Variants in EPHA6 observed in about 807,000 individuals in gnomAD.
EPHA6 encodes the protein EPH receptor A6, also known as ephrin type-A receptor 6.
Under a neutral mutation model 112.0 loss-of-function variants are expected in EPHA6, and 50 were observed. That is an observed-to-expected ratio of 0.45 (90% CI 0.36 to 0.56). EPHA6 has a LOEUF of 0.56. EPHA6 is among the 20% of genes least tolerant of loss of function. The pLI, the probability that EPHA6 is intolerant of heterozygous loss-of-function variation, is 0.00. For synonymous variants in EPHA6, 529 were observed against 490.7 expected, an observed-to-expected ratio of 1.08 and a Z score of -1.03; for missense variants, 1,280 against 1,417.4, an observed-to-expected ratio of 0.90 and a Z score of 1.56.
intron 7 of EPHA6, among the ~76,000 whole-genome samples, chr3:97,450,497 T>A (rs1396563318): frequency 1.3e-5 from 2 of 152,066 alleles, no homozygotes; most frequent in East Asian, 3.9e-4. Context: ...TAGAGCTACA[T>A]CTAAATAAGT....
rs183075923 is a variant in EPHA6, at chr3:97,166,466, T to C, written c.1115-59798T>C. On this transcript the variant is annotated intron_variant, in intron 3 of 17. Coordinates refer to ENST00000389672, the MANE Select transcript of EPHA6 (RefSeq NM_001080448.3). ...GATCTTATGTATCACGAGTAGGTGA[T>C]TTATTAAGTTAGGTTGGAAAGTCAA... Among the ~76,000 whole-genome samples, 777 of 152,006 alleles carry C rather than the reference T, an allele frequency of 5.1e-3. 4 individuals are homozygous for C. The highest frequency in any genetic ancestry group is 0.01 in the Middle Eastern group (3 of 294).
chr3:97,049,516 G>A (rs2045618843), intron 3 of EPHA6, among the ~76,000 whole-genome samples: 1 of 152,112 alleles, frequency 6.6e-6, no homozygotes, highest in African/African-American at 2.4e-5. Flanking sequence ...GCTTTCGGGT[G>A]GATTTAGTAA....
intron 11 of EPHA6, among the ~76,000 whole-genome samples, chr3:97,583,428 A>T (rs2093458566): frequency 6.6e-6 from 1 of 151,468 alleles, no homozygotes; most frequent in Non-Finnish European, 1.5e-5. Context: ...AGTCCCAGCT[A>T]CTCTGGAGGC....
At chr3:97,303,799 T>C (rs1184261917) in intron 5 of EPHA6, among the ~76,000 whole-genome samples, 1 of 152,006 alleles carries the variant, frequency 6.6e-6, no homozygotes, top group East Asian at 1.9e-4. Context: ...CAGACAAAAT[T>C]ACAAATAAAT....
At chr3:97,202,080 T>A (rs1427703730) in intron 3 of EPHA6, among the ~76,000 whole-genome samples, 1 of 152,068 alleles carries the variant, frequency 6.6e-6, no homozygotes, top group Non-Finnish European at 1.5e-5. Flanking sequence ...ATGCTGAACA[T>A]GGCATTTTAT....
intron 3 of EPHA6, among the ~76,000 whole-genome samples, chr3:97,125,709 A>G (rs896545302): frequency 6.6e-6 from 1 of 152,224 alleles, no homozygotes; most frequent in East Asian, 1.9e-4. Flanking sequence ...AATGATTTAA[A>G]TAAAATAAAT....
intron 2 of EPHA6, among the ~76,000 whole-genome samples, chr3:96,983,239 GCAGGC>G (rs2042881485): frequency 6.6e-6 from 1 of 152,140 alleles, no homozygotes; most frequent in Admixed American, 6.6e-5. Flanking sequence ...CTCTTGTAGG[GCAGGC>G]CTGCTGGTGA....
intron 2 of EPHA6, among the ~76,000 whole-genome samples, chr3:96,903,965 T>A (rs1220893367): frequency 1.3e-5 from 2 of 152,188 alleles, no homozygotes; most frequent in African/African-American, 4.8e-5. Flanking sequence ...CAACAGGTGC[T>A]GGAGAGGACC....
chr3:97,610,400 C>G (rs559982853), intron 12 of EPHA6, among the ~76,000 whole-genome samples: 31 of 151,526 alleles, frequency 2.0e-4, no homozygotes, highest in Non-Finnish European at 3.8e-4. Context: ...TGCTGCACTG[C>G]CTTAGAAGTT....
chr3:97,149,738 A>G (rs1443747740), intron 3 of EPHA6, among the ~76,000 whole-genome samples: 1 of 151,754 alleles, frequency 6.6e-6, no homozygotes, highest in Non-Finnish European at 1.5e-5. Flanking sequence ...ATAAGGAAGA[A>G]TCAACCTGTG....
intron 14 of EPHA6, among the ~76,000 whole-genome samples, chr3:97,719,088 A>ACCCCCCC (rs1309685748): frequency 1.4e-5 from 1 of 73,038 alleles, no homozygotes; most frequent in Non-Finnish European, 2.6e-5. Context: ...CGCCCCCCCC[A>ACCCCCCC]CCCCCCCCCC....
intron 5 of EPHA6, among the ~76,000 whole-genome samples, chr3:97,372,251 C>A: frequency 6.6e-6 from 1 of 152,070 alleles, no homozygotes; most frequent in East Asian, 1.9e-4. Flanking sequence ...TCTTTTGTAC[C>A]TTTTCCCTTT....
At chr3:97,603,123 T>A (rs2093655381) in intron 12 of EPHA6, among the ~76,000 whole-genome samples, 1 of 152,032 alleles carries the variant, frequency 6.6e-6, no homozygotes, top group Admixed American at 6.6e-5. Context: ...TTTTTCAATA[T>A]GGTTAGTATC....
At chr3:97,264,883 G>A (rs928619840) in intron 5 of EPHA6, among the ~76,000 whole-genome samples, 2 of 152,166 alleles carry the variant, frequency 1.3e-5, no homozygotes, top group African/African-American at 4.8e-5. Flanking sequence ...ATGGAGAGGA[G>A]GGTTGCTGCT....
chr3:97,249,158 TTAAC>T (rs1015139036), intron 5 of EPHA6, among the ~76,000 whole-genome samples: 1 of 152,134 alleles, frequency 6.6e-6, no homozygotes, highest in Non-Finnish European at 1.5e-5. Flanking sequence ...AACCCTGACT[TTAAC>T]TAAGAAAGAT....
At chr3:97,693,665 G>C (rs901352437) in intron 14 of EPHA6, among the ~76,000 whole-genome samples, 1 of 152,020 alleles carries the variant, frequency 6.6e-6, no homozygotes. Context: ...AAAATTAGCC[G>C]GGCATGGTGG....
At chr3:97,453,469 G>A in intron 7 of EPHA6, among the ~76,000 whole-genome samples, 1 of 151,604 alleles carries the variant, frequency 6.6e-6, no homozygotes, top group East Asian at 1.9e-4. Context: ...AATCAGTTTT[G>A]TAGCACAAAA....
At chr3:97,553,295 G>C (rs2093054993) in intron 11 of EPHA6, among the ~76,000 whole-genome samples, 3 of 152,162 alleles carry the variant, frequency 2.0e-5, no homozygotes, top group Non-Finnish European at 4.4e-5. Context: ...GGGCTTTCCT[G>C]TGTTCTTGTT....
chr3:96,983,790 C>CT (rs1258240936), intron 2 of EPHA6, among the ~76,000 whole-genome samples: 2 of 152,196 alleles, frequency 1.3e-5, no homozygotes, highest in Non-Finnish European at 2.9e-5. Flanking sequence ...CTTCTGACTT[C>CT]TTTTCATTCA....
Sources: gnomAD v4.1 joint callset for allele counts (sites outside exome capture counted in the v4.1 genomes callset) on GRCh38, gnomAD v4.1.1 for gene constraint, MANE v1.5 for transcripts, NCBI Gene and HGNC (gene_info 2026-07-23, HGNC 2026-07-21) for gene names.